The following ANKRD31 variants were observed in gnomAD, a reference collection of about 807,000 sequenced individuals.
ANKRD31 encodes the protein ankyrin repeat domain-containing protein 31.
Under a neutral mutation model 186.0 loss-of-function variants are expected in ANKRD31, and 147 were observed. The ratio of observed to expected loss-of-function variants is 0.79; its 90% confidence interval spans 0.69 to 0.91. The LOEUF (loss-of-function observed/expected upper bound fraction) is 0.91. ANKRD31 is among the 40% of genes least tolerant of loss of function. The probability of loss-of-function intolerance (pLI) is 0.00; values close to 1 mark genes in which losing one functional copy is unlikely to be tolerated. For missense variants in ANKRD31, 1,986 were observed against 2,148.8 expected, an observed-to-expected ratio of 0.92 and a Z score of 1.50; for synonymous variants, 673 against 736.4, an observed-to-expected ratio of 0.91 and a Z score of 1.39.
At chr5:75,224,126 T>A (rs1486561827) in intron 2 of ANKRD31, among the ~76,000 whole-genome samples, 1 of 102,406 alleles carries the variant, frequency 9.8e-6, no homozygotes, top group African/African-American at 4.0e-5. Flanking sequence ...CTCTCAGAAA[T>A]AATTATATAT....
At chr5:75,084,001 C>A (rs913285513) in intron 24 of ANKRD31, among the ~76,000 whole-genome samples, 1 of 152,008 alleles carries the variant, frequency 6.6e-6, no homozygotes, top group South Asian at 2.1e-4. Flanking sequence ...TTCCAGAAAT[C>A]GGGAGGAGCA....
intron 25 of ANKRD31, 96 bp from the exon 26 acceptor site, chr5:75,068,760 T>A: frequency 1.6e-6 from 2 of 1,264,440 alleles, no homozygotes; most frequent in Middle Eastern, 2.6e-4. Flanking sequence ...CAAGTCTATT[T>A]GAGAGCACAC....
intron 23 of ANKRD31, among the ~76,000 whole-genome samples, chr5:75,085,183 T>C (rs1745385323): frequency 3.3e-5 from 5 of 152,206 alleles, no homozygotes; most frequent in Admixed American, 2.6e-4. Context: ...AAAGCTTCTT[T>C]ACTCATATTT....
chr5:75,088,462 C>T (rs776946022), intron 23 of ANKRD31, among the ~76,000 whole-genome samples: 21 of 152,164 alleles, frequency 1.4e-4, no homozygotes, highest in Non-Finnish European at 2.4e-4. Flanking sequence ...CATTTCCATT[C>T]TTATGATTCT....
At chr5:75,232,967 C>T (rs1021891051) in intron 1 of ANKRD31, among the ~76,000 whole-genome samples, 1 of 152,124 alleles carries the variant, frequency 6.6e-6, no homozygotes, top group Non-Finnish European at 1.5e-5. Flanking sequence ...CTTTAGCCTC[C>T]CTACATAATT....
chr5:75,161,433 G>T (rs536483888), intron 11 of ANKRD31, among the ~76,000 whole-genome samples: 1 of 152,308 alleles, frequency 6.6e-6, no homozygotes, highest in East Asian at 1.9e-4. Flanking sequence ...CATTCAAGAG[G>T]TGACTTGTGT....
chr5:75,121,524 T>C (rs2150089836), intron 17 of ANKRD31, among the ~76,000 whole-genome samples: 1 of 152,202 alleles, frequency 6.6e-6, no homozygotes, highest in South Asian at 2.1e-4. Context: ...CATCAGCACA[T>C]GAAACATTCT....
At chr5:75,140,259 G>T (rs1750921421) in intron 15 of ANKRD31, among the ~76,000 whole-genome samples, 1 of 87,826 alleles carries the variant, frequency 1.1e-5, no homozygotes, top group African/African-American at 1.0e-4. Flanking sequence ...AGGAAGGAAG[G>T]AAGGAAGGAA....
At chr5:75,168,956 T>C in intron 11 of ANKRD31, 23 bp downstream of exon 11, 3 of 1,511,260 alleles carry the variant, frequency 2.0e-6, no homozygotes, top group Middle Eastern at 1.7e-4. Flanking sequence ...GTATTTGTTC[T>C]GCAAATAAAA....
At chr5:75,126,909 G>T (rs1455733167) in intron 17 of ANKRD31, among the ~76,000 whole-genome samples, 3 of 152,072 alleles carry the variant, frequency 2.0e-5, no homozygotes, top group African/African-American at 7.2e-5. Context: ...CTATTGAATT[G>T]CCTTTGCACC....
At position 75,148,606 on chromosome 5, in the gene ANKRD31, T is replaced by G; in HGVS notation, c.1875A>C (p.Pro625=). Residue 625 remains proline (P), a synonymous_variant, in exon 13 of 26, where the codon CCA becomes CCC. Transcript: ENST00000506364. ...GTTGGTACACATCCTCTATGTCTAG[T>G]GGGTCAATGCTACTCCTTTGAGCTG... ...LTSAQRSSID[P]LDIEDVYQHK... 6.5e-7 allele frequency: 1 copy of G among 1,526,926 alleles called. No homozygotes were observed. Among genetic ancestry groups the G allele is most frequent in the Non-Finnish European group, 8.8e-7 (1 of 1,141,188 alleles). The allele number at this position is 1,526,926 out of a possible 1,614,324, so 94.6% of individuals were successfully genotyped here.
chr5:75,201,604 C>G (rs533558514), intron 5 of ANKRD31, among the ~76,000 whole-genome samples: 1 of 152,104 alleles, frequency 6.6e-6, no homozygotes, highest in East Asian at 1.9e-4. Flanking sequence ...TTGTCTTTAA[C>G]AACTTCATCT....
chr5:75,097,243 C>G (rs1336245056), intron 22 of ANKRD31, among the ~76,000 whole-genome samples: 1 of 152,210 alleles, frequency 6.6e-6, no homozygotes, highest in East Asian at 1.9e-4. Flanking sequence ...ACACTGTCTT[C>G]CACGATGGTT....
At chr5:75,175,871 T>A (rs1189376465) in intron 10 of ANKRD31, among the ~76,000 whole-genome samples, 1 of 151,792 alleles carries the variant, frequency 6.6e-6, no homozygotes, top group Non-Finnish European at 1.5e-5. Flanking sequence ...CACTGTGGAG[T>A]GCCGGATAGT....
chr5:75,076,113 C>A (rs771021825), intron 25 of ANKRD31, among the ~76,000 whole-genome samples: 5 of 152,130 alleles, frequency 3.3e-5, no homozygotes, highest in Non-Finnish European at 7.4e-5. Context: ...ACCAAATGTG[C>A]GGACTTTTTT....
intron 10 of ANKRD31, among the ~76,000 whole-genome samples, chr5:75,180,683 G>A (rs144964581): frequency 0.16 from 23,642 of 152,160 alleles, 2,083 homozygotes; most frequent in African/African-American, 0.23. Flanking sequence ...CTAGCCATAT[G>A]TAGAAAGCTG....
rs751526168 is a variant in ANKRD31 at position 75,193,451 on chromosome 5, TCTC to T, written c.1155_1157del (p.Arg386del). ...CTTTCAGTTTTTCTAGTCTGGATGA[TCTC>T]CTCAACACACACGCAGTTTCCTGAT... On this transcript the variant is annotated inframe_deletion, in exon 8 of 26. Coordinates refer to ENST00000506364, the MANE Select transcript of ANKRD31 (RefSeq NM_001372053.1). The T allele has an allele frequency of 2.3e-5, 35 of 1,537,402 alleles. No homozygotes were observed. In the Admixed American group the frequency reaches 4.7e-4, roughly 21 times the overall value.
intron 5 of ANKRD31, among the ~76,000 whole-genome samples, chr5:75,204,628 C>T (rs1756033450): frequency 6.6e-6 from 1 of 152,166 alleles, no homozygotes; most frequent in Admixed American, 6.5e-5. Context: ...GATCTAGTCT[C>T]TGCAGAAAAG....
intron 4 of ANKRD31, among the ~76,000 whole-genome samples, chr5:75,210,269 G>A (rs1756530868): frequency 6.6e-6 from 1 of 152,132 alleles, no homozygotes; most frequent in East Asian, 1.9e-4. Context: ...CGCTTCCCAG[G>A]CTCAAGCAAT....
Sources: allele counts gnomAD v4.1 joint callset (sites outside exome capture counted in the v4.1 genomes callset), GRCh38; gene constraint gnomAD v4.1.1; transcripts MANE v1.5; gene names NCBI Gene and HGNC (gene_info 2026-07-23, HGNC 2026-07-21).